Variants in CTNNA3 observed in about 807,000 individuals in gnomAD.
CTNNA3 encodes catenin alpha-3.
In CTNNA3, 76 loss-of-function variants were observed where a neutral mutation model predicts 95.7. The ratio of observed to expected loss-of-function variants is 0.79; its 90% CI spans 0.66 to 0.96. The LOEUF (loss-of-function observed/expected upper bound fraction) is 0.96, where lower values mean the gene tolerates loss of function less well. Ranked by LOEUF, CTNNA3 falls within the 40% of genes least tolerant of loss-of-function variation. CTNNA3 has a pLI of 0.00. For synonymous variants in CTNNA3, 431 were observed against 374.4 expected (o/e 1.15, Z -1.74); for missense variants, 1,191 against 1,089.8 (o/e 1.09, Z -1.31).
At chr10:66,685,839 C>G (rs1564617867) in intron 9 of CTNNA3, among the ~76,000 whole-genome samples, 1 of 152,064 alleles carries the variant, frequency 6.6e-6, no homozygotes, top group Non-Finnish European at 1.5e-5. Context: ...GTCTCCTCAT[C>G]TTGGCACTTT....
intron 7 of CTNNA3, among the ~76,000 whole-genome samples, chr10:66,950,739 A>G (rs1365693449): frequency 6.6e-6 from 1 of 152,210 alleles, no homozygotes; most frequent in Admixed American, 6.5e-5. Flanking sequence ...CAAAACATTT[A>G]TTCAGCTGCA....
At chr10:66,940,700 A>G (rs572191007) in intron 7 of CTNNA3, among the ~76,000 whole-genome samples, 2 of 152,322 alleles carry the variant, frequency 1.3e-5, no homozygotes, top group East Asian at 3.9e-4. Flanking sequence ...TTTAAGATCC[A>G]GCAGTGTGTT....
intron 13 of CTNNA3, among the ~76,000 whole-genome samples, chr10:66,206,429 A>G (rs1260040765): frequency 6.6e-6 from 1 of 151,948 alleles, no homozygotes; most frequent in Non-Finnish European, 1.5e-5. Context: ...GACAACACTC[A>G]TGAAATAAAT....
intron 10 of CTNNA3, among the ~76,000 whole-genome samples, chr10:66,536,848 C>A (rs10997222): frequency 0.11 from 16,309 of 151,954 alleles, 1,636 homozygotes; most frequent in East Asian, 0.56. Flanking sequence ...TTCTTTGTAC[C>A]TCTCTCTTTC....
At chr10:66,316,549 A>G (rs2092102751) in intron 12 of CTNNA3, among the ~76,000 whole-genome samples, 1 of 151,988 alleles carries the variant, frequency 6.6e-6, no homozygotes, top group African/African-American at 2.4e-5. Flanking sequence ...TACTAAACAC[A>G]CACCCACACT....
intron 7 of CTNNA3, among the ~76,000 whole-genome samples, chr10:66,816,060 G>A (rs1305155357): frequency 2.6e-5 from 4 of 152,062 alleles, no homozygotes; most frequent in Non-Finnish European, 4.4e-5. Context: ...AAAGGACTGG[G>A]GGAAAATGAA....
chr10:66,553,822 C>T (rs771541871), intron 10 of CTNNA3, among the ~76,000 whole-genome samples: 4 of 151,870 alleles, frequency 2.6e-5, no homozygotes, highest in East Asian at 3.9e-4. Flanking sequence ...CCACTGCGCC[C>T]GGCCATGATG....
chr10:66,325,949 G>C (rs1168717628), intron 12 of CTNNA3, among the ~76,000 whole-genome samples: 1 of 152,084 alleles, frequency 6.6e-6, no homozygotes, highest in Non-Finnish European at 1.5e-5. Context: ...ACTTAACCAT[G>C]CATGAAAAGA....
At chr10:66,737,693 C>T (rs1849190775) in intron 9 of CTNNA3, among the ~76,000 whole-genome samples, 1 of 150,866 alleles carries the variant, frequency 6.6e-6, no homozygotes, top group Non-Finnish European at 1.5e-5. Flanking sequence ...TGGAGTCTCG[C>T]TCTGTCACCA....
chr10:66,936,027 C>T lies in CTNNA3; in HGVS notation c.1048-160503G>A, dbSNP rs978460811. 2.6e-5 allele frequency among the ~76,000 whole-genome samples: 4 copies of T among 152,226 alleles called. No individual in the cohort carries two copies. The East Asian group carries it at 7.7e-4, about 29-fold the overall frequency. On this transcript the variant is annotated intron_variant, in intron 7 of 17. Coordinates refer to ENST00000433211, the MANE Select transcript of CTNNA3 (RefSeq NM_013266.4). ...AAGTCTAATCTGCCAGTATAGTGTT[C>T]CTTCCAGCCTGTGGCACCCACTCCA...
chr10:65,968,467 C>T (rs1476644808), intron 16 of CTNNA3, among the ~76,000 whole-genome samples: 1 of 152,114 alleles, frequency 6.6e-6, no homozygotes, highest in Non-Finnish European at 1.5e-5. Flanking sequence ...GATCATGGTG[C>T]ATCAGGACTC....
At chr10:66,369,380 C>G (rs1018013642) in intron 12 of CTNNA3, among the ~76,000 whole-genome samples, 1 of 152,158 alleles carries the variant, frequency 6.6e-6, no homozygotes, top group Admixed American at 6.6e-5. Context: ...GACACCTGAT[C>G]GATGTCCACT....
chr10:67,450,255 A>G (rs1846923092), intron 5 of CTNNA3, among the ~76,000 whole-genome samples: 1 of 152,194 alleles, frequency 6.6e-6, no homozygotes, highest in South Asian at 2.1e-4. Flanking sequence ...TCAAAGACCT[A>G]AAAACAGAAC....
chr10:66,115,167 C>A (rs1318017825), intron 13 of CTNNA3, among the ~76,000 whole-genome samples: 2 of 152,116 alleles, frequency 1.3e-5, no homozygotes, highest in Admixed American at 6.5e-5. Context: ...GCCTTGTCAC[C>A]TTGCAATAGG....
intron 5 of CTNNA3, among the ~76,000 whole-genome samples, chr10:67,402,131 A>G (rs1844946269): frequency 6.6e-6 from 1 of 152,214 alleles, no homozygotes; most frequent in Non-Finnish European, 1.5e-5. Context: ...CAAAATATGG[A>G]TGGCAAAGAA....
intron 5 of CTNNA3, among the ~76,000 whole-genome samples, chr10:67,388,665 G>C (rs1473999606): frequency 5.3e-5 from 8 of 151,248 alleles, no homozygotes; most frequent in African/African-American, 1.7e-4. Flanking sequence ...AGAGAGAAAG[G>C]TCGGGTTACC....
intron 17 of CTNNA3, among the ~76,000 whole-genome samples, chr10:65,939,598 A>G (rs2077397195): frequency 6.6e-6 from 1 of 152,134 alleles, no homozygotes; most frequent in Admixed American, 6.5e-5. Context: ...CTTTCTATAA[A>G]CTAAGTACAT....
At chr10:66,452,693 T>C (rs2093472147) in intron 11 of CTNNA3, among the ~76,000 whole-genome samples, 2 of 152,096 alleles carry the variant, frequency 1.3e-5, no homozygotes, top group African/African-American at 2.4e-5. Context: ...GTGAATAACA[T>C]TATTATTGTA....
At chr10:66,967,343 T>TATAG (rs72083996) in intron 7 of CTNNA3, among the ~76,000 whole-genome samples, 23 of 150,838 alleles carry the variant, frequency 1.5e-4, no homozygotes, top group East Asian at 5.8e-4. Context: ...CATATATATA[T>TATAG]ATAGATAGAT....
Sources: gnomAD v4.1 joint callset for allele counts (sites outside exome capture counted in the v4.1 genomes callset) on GRCh38, gnomAD v4.1.1 for gene constraint, MANE v1.5 for transcripts, NCBI Gene and HGNC (gene_info 2026-07-23, HGNC 2026-07-21) for gene names.